Variants in RPS18 observed in about 807,000 individuals in gnomAD.
The protein encoded by RPS18 is ribosomal protein S18.
For synonymous variants in RPS18, 64 were observed against 70.9 expected, an observed-to-expected ratio of 0.90 and a Z score of 0.49; for missense variants, 49 against 200.8, an observed-to-expected ratio of 0.24 and a Z score of 4.57.
rs1216419460 is a variant in RPS18 at position 33,275,406 on chromosome 6, C to A, written c.103-391C>A. ...TGATCTTGGCTTGCTGCAACCTCCA[C>A]CTCCTAGGTTCAAGCTATTCTGCTG... On this transcript the variant is annotated intron_variant, in intron 2 of 5. Coordinates refer to ENST00000439602, the MANE Select transcript of RPS18 (RefSeq NM_022551.3). 3 of 207,512 alleles carry A rather than the reference C, an allele frequency of 1.4e-5. No individual in the cohort carries two copies. In the Admixed American group the frequency reaches 1.6e-4, roughly 11 times the overall value. 12.9% of individuals were successfully genotyped at this position (207,512 alleles called of 1,614,324 possible).
At chr6:33,272,193 C>T in intron 1 of RPS18, 71 bp downstream of exon 1, 4 of 1,523,912 alleles carry the variant, frequency 2.6e-6, no homozygotes, top group Non-Finnish European at 3.6e-6. Context: ...TGTCAGGGTT[C>T]TGGAAACGTC....
chr6:33,273,425 A>G (rs1765398734), intron 2 of RPS18, among the ~76,000 whole-genome samples: 1 of 152,124 alleles, frequency 6.6e-6, no homozygotes, highest in Non-Finnish European at 1.5e-5. Flanking sequence ...AGTTGTGGAA[A>G]TAGCCTACCA....
At chr6:33,272,771 G>T in intron 2 of RPS18, 45 bp downstream of exon 2, 1 of 971,768 alleles carries the variant, frequency 1.0e-6, no homozygotes, top group East Asian at 2.4e-5. Flanking sequence ...ATGAGAATTG[G>T]GTTGTGAAGA....
At chr6:33,275,634 G>T in intron 2 of RPS18, 163 bp from the exon 3 acceptor site, 1 of 674,828 alleles carries the variant, frequency 1.5e-6, no homozygotes. Flanking sequence ...TTAACCTTCT[G>T]TCGAACGGTT....
rs1250264196 is a variant in RPS18 at position 33,272,140 on chromosome 6, G to C, written c.3+18G>C. On this transcript the variant is annotated intron_variant, in intron 1 of 5. Transcript: ENST00000439602. ...CAGCCATGGTAAGACTGGAATCCGT[G>C]CCGTGATCCAGCGGCATCGCAGCTC... 3.2e-6 allele frequency: 5 copies of C among 1,561,566 alleles called. No individual in the cohort carries two copies. Among genetic ancestry groups the C allele is most frequent in the African/African-American group, 2.7e-5 (2 of 73,602 alleles).
intron 1 of RPS18, 47 bp downstream of exon 1, chr6:33,272,169 C>A: frequency 6.4e-7 from 1 of 1,552,338 alleles, no homozygotes; most frequent in Middle Eastern, 1.7e-4. Flanking sequence ...GCAGCTCGGG[C>A]AAGGAAAGCC....
At chr6:33,272,546 G>T (rs1446233255) in intron 1 of RPS18, 82 bp from the exon 2 acceptor site, 1 of 781,788 alleles carries the variant, frequency 1.3e-6, no homozygotes, top group Non-Finnish European at 2.4e-6. Context: ...TAACCTTTTT[G>T]TATGAAGTTC....
intron 2 of RPS18, among the ~76,000 whole-genome samples, chr6:33,273,952 TG>T (rs1463573667): frequency 6.6e-6 from 1 of 151,498 alleles, no homozygotes; most frequent in African/African-American, 2.5e-5. Context: ...ATTTGACCCT[TG>T]GTCATGTTTA....
At position 33,276,058 on chromosome 6, in the gene RPS18, T is replaced by C; in HGVS notation, c.283T>C (p.Tyr95His). Reference protein sequence around the residue: ...NRQKDVKDGKYSQVLANGLDN... With the variant: ...NRQKDVKDGKHSQVLANGLDN... ...ACAGAAGGATGTAAAGGATGGAAAA[T>C]ACAGCCAGGTGTGTACTGAAATGAG... Residue 95 changes from tyrosine (Y) to histidine (H), a missense_variant, in exon 4 of 6, where the codon TAC (tyrosine) becomes CAC (histidine). Tyr to His is a moderately conservative substitution (Grantham distance 83, BLOSUM62 2). Coordinates refer to ENST00000439602, the MANE Select transcript of RPS18 (RefSeq NM_022551.3). 1.2e-6 allele frequency: 2 copies of C among 1,613,558 alleles called. No homozygotes were observed. The highest frequency in any genetic ancestry group is 1.7e-6 in the Non-Finnish European group (2 of 1,179,568).
chr6:33,274,942 G>A (rs1287777589), intron 2 of RPS18, among the ~76,000 whole-genome samples: 1 of 152,202 alleles, frequency 6.6e-6, no homozygotes, highest in Non-Finnish European at 1.5e-5. Context: ...TTGATGTGAT[G>A]CTACCAATGT....
At chr6:33,275,709 C>T (rs1765583165) in intron 2 of RPS18, 88 bp from the exon 3 acceptor site, 2 of 882,490 alleles carry the variant, frequency 2.3e-6, no homozygotes. Flanking sequence ...TATTGCAGAT[C>T]CTACCTTTGT....
chr6:33,274,963 T>G (rs535412915), intron 2 of RPS18, among the ~76,000 whole-genome samples: 51 of 152,306 alleles, frequency 3.3e-4, no homozygotes, highest in African/African-American at 1.1e-3. Flanking sequence ...AAGCATTAGT[T>G]TCTTTTTATA....
rs779413500 is a variant in RPS18 at position 33,272,082 on chromosome 6, C to A, written c.-38C>A. On this transcript the variant is annotated 5_prime_UTR_variant, in exon 1 of 6. Coordinates refer to ENST00000439602, the MANE Select transcript of RPS18 (RefSeq NM_022551.3). Reference sequence around the variant, plus strand: ...TATCGCGTCACTTCCGCTCTCTCTTCCACAGGAGGCCTACACGCCGCCGCT... The same window carrying A: ...TATCGCGTCACTTCCGCTCTCTCTTACACAGGAGGCCTACACGCCGCCGCT... The A allele has an allele frequency of 1.9e-6, 3 of 1,562,340 alleles. No individual in the cohort carries two copies. The highest frequency in any genetic ancestry group is 8.7e-7 in the Non-Finnish European group (1 of 1,153,034).
At position 33,276,498 on chromosome 6, in the gene RPS18, T is replaced by C; in HGVS notation, c.*32T>C. The C allele has an allele frequency of 4.7e-6, 7 of 1,489,938 alleles. No homozygotes were observed. Among genetic ancestry groups the C allele is most frequent in the South Asian group, 1.2e-5 (1 of 85,582 alleles). 92.3% of individuals were successfully genotyped at this position (1,489,938 alleles called of 1,614,324 possible). ...AGGCCTTGTCTGTTAATAAATAGTT[T>C]ATATACCTATGGCTTCCTGTCCTTT... On this transcript the variant is annotated 3_prime_UTR_variant, in exon 6 of 6. Transcript: ENST00000439602.
intron 2 of RPS18, chr6:33,275,538 G>GA (rs1419958839): frequency 2.0e-6 from 1 of 497,736 alleles, no homozygotes; most frequent in African/African-American, 1.9e-5. Context: ...GGCTGGTTTT[G>GA]AACTCCTGCC....
chr6:33,274,646 C>T (rs1765508147), intron 2 of RPS18, among the ~76,000 whole-genome samples: 1 of 152,146 alleles, frequency 6.6e-6, no homozygotes, highest in Admixed American at 6.5e-5. Flanking sequence ...GTCAGTAATC[C>T]TTAGTGTTCC....
intron 1 of RPS18, 165 bp from the exon 2 acceptor site, chr6:33,272,463 C>CT: frequency 1.5e-6 from 1 of 675,702 alleles, no homozygotes; most frequent in African/African-American, 1.8e-5. Flanking sequence ...CTCTGCAGGA[C>CT]TGAGGAGTTT....
chr6:33,275,637 G>A (rs1004113816), intron 2 of RPS18, 160 bp from the exon 3 acceptor site: 7 of 679,736 alleles, frequency 1.0e-5, no homozygotes, highest in East Asian at 2.5e-5. Flanking sequence ...ACCTTCTGTC[G>A]AACGGTTTAT....
chr6:33,273,049 C>T (rs1290053952), intron 2 of RPS18, among the ~76,000 whole-genome samples: 3 of 152,210 alleles, frequency 2.0e-5, no homozygotes, highest in African/African-American at 7.2e-5. Flanking sequence ...GATTCGGTTT[C>T]TTTACCCATC....
Sources: gnomAD v4.1 joint callset for allele counts (sites outside exome capture counted in the v4.1 genomes callset) on GRCh38, gnomAD v4.1.1 for gene constraint, MANE v1.5 for transcripts, NCBI Gene and HGNC (gene_info 2026-07-23, HGNC 2026-07-21) for gene names.